FBN2: variants seen among roughly 807,000 people sequenced by gnomAD.
The protein encoded by FBN2 is fibrillin 2, also known as fibrillin-2.
Under a neutral mutation model 355.6 loss-of-function variants are expected in FBN2, and 105 were observed. That is an observed-to-expected ratio of 0.30 (90% CI 0.25 to 0.35). The LOEUF is 0.35. FBN2 is among the 10% of genes least tolerant of loss of function. FBN2 has a pLI of 1.00. For synonymous variants in FBN2, 1,350 were observed against 1,301.2 expected, an observed-to-expected ratio of 1.04 and a Z score of -0.81; for missense variants, 3,280 against 3,758.7, an observed-to-expected ratio of 0.87 and a Z score of 3.33.
chr5:128,519,422 A>G, intron 4 of FBN2, 54 bp from the exon 5 acceptor site: 2 of 1,305,144 alleles, frequency 1.5e-6, no homozygotes, highest in Non-Finnish European at 2.2e-6. Flanking sequence ...CAAGCACAAT[A>G]TAGTAGTGCA....
chr5:128,285,549 C>T (rs1342073606), intron 55 of FBN2, among the ~76,000 whole-genome samples: 1 of 152,080 alleles, frequency 6.6e-6, no homozygotes, highest in African/African-American at 2.4e-5. Flanking sequence ...AAAGTAAGTT[C>T]AGAGGATGAT....
chr5:128,499,934 T>C (rs557482562), intron 5 of FBN2, among the ~76,000 whole-genome samples: 1 of 152,268 alleles, frequency 6.6e-6, no homozygotes, highest in South Asian at 2.1e-4. Context: ...ACCACGACAT[T>C]AAGTATGGTC....
intron 33 of FBN2, among the ~76,000 whole-genome samples, 197 bp downstream of exon 33, chr5:128,330,376 T>C (rs1050972759): frequency 1.3e-5 from 2 of 152,342 alleles, no homozygotes; most frequent in South Asian, 2.1e-4. Flanking sequence ...ATTTGAAAAC[T>C]TCCAACAATA....
In FBN2 at chr5:128,531,335, T is replaced by C. The variant is rs555803142; in HGVS notation, c.338-642A>G. On this transcript the variant is annotated intron_variant, in intron 2 of 64. Transcript: ENST00000262464. ...ATGGAAAAGCAAACACTGTATGTTC[T>C]CACTGATATGTGGGAGCTAAGCTAT... is the stretch of plus-strand genomic sequence containing the variant. Among the ~76,000 whole-genome samples the C allele has an allele frequency of 3.9e-5, 6 of 152,234 alleles. No homozygotes were observed. In the East Asian group the frequency reaches 1.2e-3, roughly 29 times the overall value.
At chr5:128,336,298 A>T (rs879616679) in intron 27 of FBN2, among the ~76,000 whole-genome samples, 185 bp from the exon 28 acceptor site, 1 of 152,242 alleles carries the variant, frequency 6.6e-6, no homozygotes, top group African/African-American at 2.4e-5. Flanking sequence ...AATACTGTTG[A>T]GTAAAGCTTT....
intron 23 of FBN2, among the ~76,000 whole-genome samples, chr5:128,347,975 G>C (rs531810172): frequency 4.0e-5 from 6 of 151,756 alleles, no homozygotes; most frequent in African/African-American, 1.2e-4. Context: ...GACGGGGAGG[G>C]GGGGGTTCCC....
At chr5:128,506,101 T>C (rs1202437186) in intron 5 of FBN2, among the ~76,000 whole-genome samples, 1 of 152,210 alleles carries the variant, frequency 6.6e-6, no homozygotes, top group Non-Finnish European at 1.5e-5. Flanking sequence ...ATGCATACAG[T>C]AGAATGACAT....
At chr5:128,535,255 G>A (rs1756816474) in intron 2 of FBN2, among the ~76,000 whole-genome samples, 1 of 152,194 alleles carries the variant, frequency 6.6e-6, no homozygotes, top group African/African-American at 2.4e-5. Flanking sequence ...TAGTCTTTAT[G>A]ACACTGGAGA....
intron 7 of FBN2, among the ~76,000 whole-genome samples, chr5:128,414,915 C>T (rs190816541): frequency 3.3e-4 from 50 of 152,116 alleles, no homozygotes; most frequent in African/African-American, 1.2e-3. Context: ...TTGCCGTTTG[C>T]GTATTGTCTT....
intron 5 of FBN2, among the ~76,000 whole-genome samples, chr5:128,502,454 C>T (rs1465666050): frequency 2.0e-5 from 3 of 151,972 alleles, no homozygotes; most frequent in Non-Finnish European, 2.9e-5. Context: ...GAAAAAGGTA[C>T]AAACACCCAA....
At chr5:128,332,774 G>A in intron 32 of FBN2, 138 bp downstream of exon 32, 2 of 868,180 alleles carry the variant, frequency 2.3e-6, no homozygotes, top group South Asian at 1.4e-5. Flanking sequence ...ACACCCTTAG[G>A]CAGGAATTAT....
chr5:128,274,408 A>C (rs905783557), intron 60 of FBN2, among the ~76,000 whole-genome samples, 159 bp downstream of exon 60: 2 of 152,146 alleles, frequency 1.3e-5, no homozygotes, highest in Non-Finnish European at 2.9e-5. Context: ...ATTGTTCTTG[A>C]AAATATCTAT....
At chr5:128,371,271 A>G (rs1216203569) in intron 15 of FBN2, 1 of 152,188 alleles carries the variant, frequency 6.6e-6, no homozygotes, top group Non-Finnish European at 1.5e-5. Flanking sequence ...ATTCAAATAT[A>G]ACAGAACCAC....
At chr5:128,446,367 T>A in intron 7 of FBN2, 114 bp downstream of exon 7, 2 of 1,096,236 alleles carry the variant, frequency 1.8e-6, no homozygotes, top group Non-Finnish European at 2.7e-6. Context: ...TATGCTTTCA[T>A]AGTAGATAAA....
chr5:128,276,247 T>C (rs1765392115), intron 58 of FBN2, 87 bp from the exon 59 acceptor site: 1 of 1,440,458 alleles, frequency 6.9e-7, no homozygotes, highest in Non-Finnish European at 9.7e-7. Context: ...CTTCATTCTT[T>C]TTGTTTTTCC....
chr5:128,435,888 C>T (rs1020909798), intron 7 of FBN2, among the ~76,000 whole-genome samples: 3 of 152,170 alleles, frequency 2.0e-5, no homozygotes, highest in African/African-American at 7.2e-5. Context: ...TATTTTTTCA[C>T]AGATTTCATG....
intron 9 of FBN2, among the ~76,000 whole-genome samples, chr5:128,394,727 T>A (rs546668717): frequency 6.6e-6 from 1 of 152,110 alleles, no homozygotes; most frequent in Non-Finnish European, 1.5e-5. Context: ...AACACTCAAG[T>A]CATACTGAAA....
At chr5:128,400,017 A>G (rs926669904) in intron 8 of FBN2, among the ~76,000 whole-genome samples, 1 of 152,034 alleles carries the variant, frequency 6.6e-6, no homozygotes, top group African/African-American at 2.4e-5. Flanking sequence ...AACTGAAGAG[A>G]CAAAGATTTA....
At chr5:128,370,203 A>G (rs1280431288) in intron 15 of FBN2, among the ~76,000 whole-genome samples, 5 of 152,200 alleles carry the variant, frequency 3.3e-5, no homozygotes, top group African/African-American at 1.2e-4. Flanking sequence ...AAGACAGTAA[A>G]TGGTGAACTA....
Sources: allele counts gnomAD v4.1 joint callset (sites outside exome capture counted in the v4.1 genomes callset), GRCh38; gene constraint gnomAD v4.1.1; transcripts MANE v1.5; gene names NCBI Gene and HGNC (gene_info 2026-07-23, HGNC 2026-07-21).